The following TNRC18 variants were observed in gnomAD, a reference collection of about 807,000 sequenced individuals.
TNRC18 encodes the protein trinucleotide repeat containing 18.
In TNRC18, 69 loss-of-function variants were observed where a neutral mutation model predicts 226.7. The ratio of observed to expected loss-of-function variants is 0.30; its 90% CI spans 0.25 to 0.37. The LOEUF is 0.37. TNRC18 is among the 10% of genes least tolerant of loss of function. TNRC18 has a pLI of 1.00. For synonymous variants in TNRC18, 2,449 were observed against 1,927.6 expected (o/e 1.27, Z -7.09); for missense variants, 4,754 against 4,256.6 (o/e 1.12, Z -3.25).
intron 2 of TNRC18, among the ~76,000 whole-genome samples, chr7:5,399,861 C>T (rs1052585342): frequency 6.6e-6 from 1 of 151,328 alleles, no homozygotes; most frequent in Admixed American, 6.6e-5. Context: ...CCACCCCCCG[C>T]CCCCGCCCCG....
At chr7:5,365,402 C>T (rs1038899798) in intron 11 of TNRC18, among the ~76,000 whole-genome samples, 4 of 152,040 alleles carry the variant, frequency 2.6e-5, no homozygotes, top group African/African-American at 7.2e-5. Context: ...CGTGAGCCAC[C>T]GTGTCCGGCC....
intron 2 of TNRC18, among the ~76,000 whole-genome samples, chr7:5,402,265 G>C (rs901905270): frequency 6.6e-6 from 1 of 151,314 alleles, no homozygotes; most frequent in African/African-American, 2.4e-5. Flanking sequence ...CAGGCACAGT[G>C]ACTCATGCCT....
intron 10 of TNRC18, among the ~76,000 whole-genome samples, chr7:5,373,533 T>C (rs1794354610): frequency 6.6e-6 from 1 of 152,150 alleles, no homozygotes; most frequent in Non-Finnish European, 1.5e-5. Context: ...GGTGCCAGAA[T>C]CTGAAGTTGA....
intron 21 of TNRC18, among the ~76,000 whole-genome samples, chr7:5,323,229 C>G (rs1039074220): frequency 6.6e-6 from 1 of 152,128 alleles, no homozygotes; most frequent in African/African-American, 2.4e-5. Context: ...GATTTCGCCT[C>G]TGGGCTACAG....
chr7:5,378,714 C>T (rs1004525225), intron 5 of TNRC18, among the ~76,000 whole-genome samples: 5 of 151,938 alleles, frequency 3.3e-5, no homozygotes, highest in African/African-American at 1.2e-4. Flanking sequence ...CACCGAGCCC[C>T]GCCACTAATG....
At chr7:5,345,953 C>T in intron 17 of TNRC18, 143 bp from the exon 18 acceptor site, 1 of 1,265,312 alleles carries the variant, frequency 7.9e-7, no homozygotes, top group Non-Finnish European at 1.1e-6. Context: ...TGGATGCAGA[C>T]CCAGCCCACG....
chr7:5,362,571 G>T, intron 12 of TNRC18, 79 bp downstream of exon 12: 2 of 1,349,256 alleles, frequency 1.5e-6, no homozygotes, highest in Non-Finnish European at 2.0e-6. Context: ...CACGCCCCAG[G>T]CAGTAGGGCA....
At position 5,308,257 on chromosome 7, in the gene TNRC18, T is replaced by G; in HGVS notation, c.8756A>C (p.His2919Pro). The change falls in exon 30 of 30, where the codon CAC (histidine) becomes CCC (proline). Residue 2919 changes from histidine (H) to proline (P), a missense_variant. His to Pro is a moderately conservative substitution (Grantham distance 77). Coordinates refer to ENST00000430969, the MANE Select transcript of TNRC18 (RefSeq NM_001080495.3). The stretch of plus-strand genomic sequence containing the variant: ...CTCCAGGCCCACCACCAGGCACTTG[T>G]GCGACACCGTCTGCACGTCATTTTC... ...VDENDVQTVS[H>P]KCLVVGLEQY... is the part of the protein sequence containing the mutation. The G allele has an allele frequency of 6.2e-7, 1 of 1,613,074 alleles. No individual in the cohort carries two copies. Among genetic ancestry groups the G allele is most frequent in the Non-Finnish European group, 8.5e-7 (1 of 1,179,580 alleles).
At chr7:5,356,838 G>A (rs1484580021) in intron 16 of TNRC18, 78 bp downstream of exon 16, 8 of 1,430,824 alleles carry the variant, frequency 5.6e-6, no homozygotes, top group African/African-American at 1.5e-5. Context: ...GGCGGGGGGG[G>A]AAGGAGGACG....
rs1349019136 is a variant in TNRC18, at chr7:5,314,925, GT to G, written c.7027+58del. 14 of 1,524,976 alleles carry G rather than the reference GT, an allele frequency of 9.2e-6. No individual in the cohort carries two copies. In the Admixed American group the frequency reaches 2.8e-4, roughly 31 times the overall value. 94.5% of individuals were successfully genotyped at this position (1,524,976 alleles called of 1,614,324 possible). A position where few individuals can be genotyped will look rare whatever the true frequency, so the allele number is the denominator to read the frequency against. ...ACTTCGGCAGGTTCCCAAGCCCTGA[GT>G]TTGGATGCACGAAGGAGATCCGCCC... On this transcript the variant is annotated intron_variant, in intron 26 of 29. Coordinates refer to ENST00000430969, the MANE Select transcript of TNRC18 (RefSeq NM_001080495.3).
Position 5,421,383 on chromosome 7 carries a change from G to A in TNRC18, c.-137C>T. 4 of 850,604 alleles carry A rather than the reference G, an allele frequency of 4.7e-6. No homozygotes were observed. Among genetic ancestry groups the A allele is most frequent in the Non-Finnish European group, 4.5e-6 (3 of 663,388 alleles). 52.7% of individuals were successfully genotyped at this position (850,604 alleles called of 1,614,324 possible). ...CGCGGCGTGCATGGCGGCGGCCAGCGGGGCTTGCGCTCGGCGGCGGGCCCG... is the reference window on the plus strand; with the variant it reads ...CGCGGCGTGCATGGCGGCGGCCAGCAGGGCTTGCGCTCGGCGGCGGGCCCG... On this transcript the variant is annotated 5_prime_UTR_variant, in exon 2 of 30. Coordinates refer to ENST00000430969, the MANE Select transcript of TNRC18 (RefSeq NM_001080495.3).
At chr7:5,317,042 C>G (rs933065149) in intron 24 of TNRC18, among the ~76,000 whole-genome samples, 1 of 152,132 alleles carries the variant, frequency 6.6e-6, no homozygotes, top group Non-Finnish European at 1.5e-5. Context: ...GATAGCCCAG[C>G]CCTCTTCCCA....
chr7:5,419,182 G>A (rs1335780575), intron 2 of TNRC18, among the ~76,000 whole-genome samples: 1 of 152,274 alleles, frequency 6.6e-6, no homozygotes, highest in Admixed American at 6.5e-5. Flanking sequence ...CAGCAAATGG[G>A]CATTAGGCCG....
intron 2 of TNRC18, among the ~76,000 whole-genome samples, chr7:5,397,333 C>A (rs895941460): frequency 1.1e-4 from 16 of 152,234 alleles, no homozygotes; most frequent in African/African-American, 3.9e-4. Context: ...CTGCCGCAGG[C>A]TGCACGGAAG....
chr7:5,368,326 A>AG lies in TNRC18; in HGVS notation c.4219+2048_4219+2049insC, dbSNP rs1793814811. 2.7e-5 allele frequency among the ~76,000 whole-genome samples: 4 copies of AG among 150,538 alleles called. No homozygotes were observed. In the South Asian group the frequency reaches 8.4e-4, roughly 32 times the overall value. On this transcript the variant is annotated intron_variant, in intron 11 of 29. Coordinates refer to ENST00000430969, the MANE Select transcript of TNRC18 (RefSeq NM_001080495.3). ...TACTTTTTGTAAAAAAAAAAAAAAA[A>AG]TTAAAAAACCCACAGCTTTGAAAAA...
rs1049719139 is a variant in TNRC18, at chr7:5,359,683, T to C, written c.4662-114A>G. ...TCTGGACCCTGAGCGTGGACAGTGA[T>C]GGCAGAGTGACGGGCGTGGGGAGAT... On this transcript the variant is annotated intron_variant, in intron 14 of 29. Coordinates refer to ENST00000430969, the MANE Select transcript of TNRC18 (RefSeq NM_001080495.3). The C allele has an allele frequency of 2.5e-6, 3 of 1,190,222 alleles. No homozygotes were observed. In the African/African-American group the frequency reaches 4.6e-5, roughly 18 times the overall value. 73.7% of individuals were successfully genotyped at this position (1,190,222 alleles called of 1,614,324 possible).
At chr7:5,320,285 C>A in intron 24 of TNRC18, 33 bp downstream of exon 24, 2 of 1,506,030 alleles carry the variant, frequency 1.3e-6, no homozygotes, top group Non-Finnish European at 9.0e-7. Flanking sequence ...AGATGTTAGG[C>A]GGCAGGGGAG....
At chr7:5,329,118 C>T (rs1789243549) in intron 19 of TNRC18, among the ~76,000 whole-genome samples, 1 of 151,974 alleles carries the variant, frequency 6.6e-6, no homozygotes, top group South Asian at 2.1e-4. Flanking sequence ...GACTGGCCAA[C>T]ATGGCGAAAC....
Position 5,370,494 on chromosome 7 carries a change from G to A in TNRC18, c.4100C>T (p.Ala1367Val), listed in dbSNP as rs1334003582. 3.1e-6 allele frequency: 5 copies of A among 1,592,258 alleles called. No homozygotes were observed. Among genetic ancestry groups the A allele is most frequent in the Admixed American group, 3.6e-5 (2 of 56,330 alleles). Residue 1367 changes from alanine (A) to valine (V), a missense_variant, in exon 11 of 30, where the codon GCC becomes GTC. Physicochemically the swap from Ala to Val is moderately conservative, Grantham distance 64. Coordinates refer to ENST00000430969, the MANE Select transcript of TNRC18 (RefSeq NM_001080495.3). ...CTCGGCTGCTTCCAGCTTCTCCAAG[G>A]CCTGGGCTCCAGCAGCACCCGGGGA... ...LPSPGAAGAQ[A>V]LEKLEAAESL...
Sources: gnomAD v4.1 joint callset for allele counts (sites outside exome capture counted in the v4.1 genomes callset) on GRCh38, gnomAD v4.1.1 for gene constraint, MANE v1.5 for transcripts, NCBI Gene and HGNC (gene_info 2026-07-23, HGNC 2026-07-21) for gene names.